The following STK10 variants were observed in gnomAD, a reference collection of about 807,000 sequenced individuals.
The protein encoded by STK10 is serine/threonine-protein kinase 10.
A neutral mutation model predicts 113.8 loss-of-function variants in STK10; 78 were observed. The ratio of observed to expected loss-of-function variants is 0.69; its 90% CI spans 0.57 to 0.83. The LOEUF is 0.83. STK10 is among the 40% of genes least tolerant of loss of function. The pLI is 0.00. For missense variants in STK10, 1,109 were observed against 1,280.1 expected (o/e 0.87, Z 2.04); for synonymous variants, 465 against 494.7 (o/e 0.94, Z 0.80).
chr5:172,142,963 A>G (rs1437360409), intron 2 of STK10, among the ~76,000 whole-genome samples: 2 of 152,212 alleles, frequency 1.3e-5, no homozygotes, highest in African/African-American at 4.8e-5. Flanking sequence ...ACACATACCA[A>G]GTGAGCTTGC....
chr5:172,147,231 C>G (rs1027043616), intron 2 of STK10, among the ~76,000 whole-genome samples: 2 of 152,150 alleles, frequency 1.3e-5, no homozygotes, highest in Non-Finnish European at 2.9e-5. Context: ...CCAGGAAGCT[C>G]CACCTGGTCA....
chr5:172,172,355 T>C (rs1770676855), intron 1 of STK10, among the ~76,000 whole-genome samples: 1 of 152,204 alleles, frequency 6.6e-6, no homozygotes, highest in Admixed American at 6.5e-5. Context: ...TGGTGCCGCA[T>C]CCAAAAGCAT....
intron 7 of STK10, among the ~76,000 whole-genome samples, chr5:172,104,458 C>G (rs570701616): frequency 9.8e-5 from 15 of 152,336 alleles, no homozygotes; most frequent in African/African-American, 3.4e-4. Context: ...TTCAAGGAAA[C>G]CATTATCCAC....
At chr5:172,054,457 G>T in intron 17 of STK10, 112 bp downstream of exon 17, 1 of 1,469,758 alleles carries the variant, frequency 6.8e-7, no homozygotes, top group Non-Finnish European at 9.2e-7. Context: ...CATCCCGGGC[G>T]TGTCTGATGA....
intron 1 of STK10, among the ~76,000 whole-genome samples, chr5:172,163,720 C>G (rs765910173): frequency 1.6e-4 from 25 of 152,190 alleles, no homozygotes; most frequent in Non-Finnish European, 3.2e-4. Context: ...ACAAGACAAG[C>G]AATTTTCTGC....
At chr5:172,151,738 G>T (rs907225607) in intron 2 of STK10, among the ~76,000 whole-genome samples, 1 of 152,352 alleles carries the variant, frequency 6.6e-6, no homozygotes, top group South Asian at 2.1e-4. Flanking sequence ...GGCTCCATGA[G>T]GATGAGGACC....
At chr5:172,122,533 C>A (rs1339640700) in intron 3 of STK10, among the ~76,000 whole-genome samples, 1 of 152,242 alleles carries the variant, frequency 6.6e-6, no homozygotes, top group Non-Finnish European at 1.5e-5. Context: ...AAAAAAACTA[C>A]AACATTGCAA....
chr5:172,057,015 A>AAGAAAG (rs1767815893), intron 15 of STK10: 3 of 148,692 alleles, frequency 2.0e-5, no homozygotes, highest in African/African-American at 8.3e-5. Flanking sequence ...GAAAGAAAGA[A>AAGAAAG]AGAAAGAAAG....
At position 172,044,927 on chromosome 5, in the gene STK10, G is replaced by A. The variant is rs933899766; in HGVS notation, c.2862C>T (p.Ser954=). Residue 954 remains serine (S), a synonymous_variant, in exon 19 of 19, where the codon AGC becomes AGT. Transcript: ENST00000176763. This position sits in a 1 kb window ranked among gnomAD's most constrained non-coding sequence, Gnocchi z 4.5. ...TGTAGGGGAAGAACTTGGCGGCCTT[G>A]CTTGGGGTGGAGGGGTTTGGGCACT... is the stretch of plus-strand genomic sequence containing the variant. ...EAECPNPSTP[S]KAAKFFPYSS... The A allele has an allele frequency of 1.2e-6, 2 of 1,614,246 alleles. No homozygotes were observed. The highest frequency in any genetic ancestry group is 1.7e-6 in the Non-Finnish European group (2 of 1,180,048).
intron 3 of STK10, among the ~76,000 whole-genome samples, chr5:172,126,855 G>A (rs1180597464): frequency 2.6e-5 from 4 of 152,122 alleles, no homozygotes; most frequent in African/African-American, 9.7e-5. Context: ...GTGGGGTCCC[G>A]CAAAGAAGGC....
Position 172,054,661 on chromosome 5 carries a change from C to A in STK10, c.2560G>T (p.Glu854Ter). The change falls in exon 17 of 19, where the codon GAG (glutamate) becomes TAG (stop). Residue 854 changes from glutamate to a stop codon, truncating the protein, a stop_gained. Coordinates refer to ENST00000176763, the MANE Select transcript of STK10 (RefSeq NM_005990.4). LOFTEE classifies it high-confidence loss of function. ...SQQEEKRQKS[E>*]RLQQQQKHEN... ...TGTTTCTGCTGTTGCTGCAGCCGCT[C>A]CGACTTCTGCCTCTTCTCCTCCTGC... 1 of 1,610,876 alleles carries A rather than the reference C, an allele frequency of 6.2e-7. No homozygotes were observed.
At position 172,052,984 on chromosome 5, in the gene STK10, T is replaced by C. The variant is rs1333210333; in HGVS notation, c.2711A>G (p.Glu904Gly). The change falls in exon 18 of 19, where the codon GAG becomes GGG. Residue 904 changes from glutamate (E) to glycine (G), a missense_variant. Physicochemically the swap from Glu to Gly is moderately conservative, Grantham distance 98. Around this residue, in one of 5 missense-constraint regions of STK10, gnomAD observed 885 missense variants for 991.1 expected, o/e 0.89. Coordinates refer to ENST00000176763, the MANE Select transcript of STK10 (RefSeq NM_005990.4). ...TTCCTTCAGGTTCTGGTTATGGCTC[T>C]CATCCAGGGCCTTCAGTTTCTGGGT... ...HETQKLKALD[E>G]SHNQNLKEWR... 1.2e-6 allele frequency: 2 copies of C among 1,614,114 alleles called. No homozygotes were observed. The highest frequency in any genetic ancestry group is 1.7e-6 in the Non-Finnish European group (2 of 1,180,046).
intron 2 of STK10, among the ~76,000 whole-genome samples, chr5:172,148,385 AC>A (rs748996745): frequency 3.3e-5 from 5 of 152,032 alleles, no homozygotes; most frequent in Admixed American, 6.5e-5. Context: ...TGGTGCACTG[AC>A]CTGACAGGAA....
intron 12 of STK10, among the ~76,000 whole-genome samples, chr5:172,065,303 T>G (rs191850204): frequency 6.6e-6 from 1 of 151,290 alleles, no homozygotes; most frequent in East Asian, 1.9e-4. Context: ...TTTTTTTTTT[T>G]TTTTTTTTTG....
chr5:172,092,946 T>C (rs1374475166), intron 9 of STK10: 1 of 154,816 alleles, frequency 6.5e-6, no homozygotes, highest in Non-Finnish European at 1.4e-5. Context: ...GCCTGTCTGT[T>C]CTTTTTAAAG....
At chr5:172,117,182 A>G (rs1199458269) in intron 4 of STK10, among the ~76,000 whole-genome samples, 1 of 151,426 alleles carries the variant, frequency 6.6e-6, no homozygotes, top group Non-Finnish European at 1.5e-5. Context: ...GGGAGGCTGA[A>G]ACACAAGAAG....
In STK10 at chr5:172,093,355, C is replaced by T. The variant is rs1288377137; in HGVS notation, c.1554+57G>A. The stretch of plus-strand genomic sequence containing the variant: ...AATGCTTTTGAAACCAAAATGGAGC[C>T]ACAGAACATCCTGCAATGGTCTTGC... On this transcript the variant is annotated intron_variant, in intron 9 of 18. Transcript: ENST00000176763. This position sits in a 1 kb window ranked among gnomAD's most constrained non-coding sequence, Gnocchi z 4.1. The T allele has an allele frequency of 5.3e-6, 8 of 1,513,186 alleles. No individual in the cohort carries two copies. The highest frequency in any genetic ancestry group is 1.8e-4 in the Middle Eastern group (1 of 5,454). 93.7% of individuals were successfully genotyped at this position (1,513,186 alleles called of 1,614,324 possible).
At chr5:172,147,384 TTTTC>T (rs542197909) in intron 2 of STK10, among the ~76,000 whole-genome samples, 162 of 151,942 alleles carry the variant, frequency 1.1e-3, no homozygotes, top group African/African-American at 3.8e-3. Context: ...CTGCTCAGAC[TTTTC>T]TTTCTTTCTT....
At chr5:172,099,745 C>T (rs34591624) in intron 7 of STK10, among the ~76,000 whole-genome samples, 4 of 152,182 alleles carry the variant, frequency 2.6e-5, no homozygotes, top group African/African-American at 4.8e-5. Context: ...TGAACTTGAG[C>T]GAAACGCCAC....
Sources: allele counts gnomAD v4.1 joint callset (sites outside exome capture counted in the v4.1 genomes callset), GRCh38; gene constraint gnomAD v4.1.1; regional missense constraint gnomAD v4.1.1; non-coding constraint Gnocchi (gnomAD v3.1); transcripts MANE v1.5; gene names NCBI Gene and HGNC (gene_info 2026-07-23, HGNC 2026-07-21).